PLD5: variants seen among roughly 807,000 people sequenced by gnomAD.
PLD5 encodes the protein inactive phospholipase D5.
Under a neutral mutation model 61.1 loss-of-function variants are expected in PLD5, and 36 were observed. That is an observed-to-expected ratio of 0.59 (90% CI 0.45 to 0.78). The LOEUF (loss-of-function observed/expected upper bound fraction) is 0.78, where lower values mean the gene tolerates loss of function less well. Among genes scored for constraint, PLD5 ranks in the 30% least tolerant of loss-of-function variants. The pLI, the probability that PLD5 is intolerant of heterozygous loss-of-function variation, is 0.00. For synonymous variants in PLD5, 243 were observed against 242.8 expected, an observed-to-expected ratio of 1.00 and a Z score of -0.01; for missense variants, 515 against 644.4, an observed-to-expected ratio of 0.80 and a Z score of 2.17.
chr1:242,486,087 T>C lies in PLD5; in HGVS notation c.189+38001A>G, dbSNP rs1008476189. 2.0e-4 allele frequency among the ~76,000 whole-genome samples: 30 copies of C among 152,082 alleles called. 1 individual carries two copies. The highest frequency in any genetic ancestry group is 1.6e-3 in the Admixed American group (24 of 15,282). ...ATTCAAGATGGATTAAAGACTTAAA[T>C]GTTAGACCTAAAACCATAAAAACCC... On this transcript the variant is annotated intron_variant, in intron 1 of 9. Coordinates refer to ENST00000536534, the MANE Select transcript of PLD5 (RefSeq NM_001372062.1).
intron 1 of PLD5, among the ~76,000 whole-genome samples, chr1:242,386,897 T>G (rs955281800): frequency 3.3e-5 from 5 of 152,212 alleles, no homozygotes; most frequent in Non-Finnish European, 4.4e-5. Flanking sequence ...TCATGTTGTC[T>G]GCAAAATATT....
chr1:242,282,917 T>C (rs1674795753), intron 3 of PLD5, among the ~76,000 whole-genome samples: 1 of 152,192 alleles, frequency 6.6e-6, no homozygotes, highest in Non-Finnish European at 1.5e-5. Flanking sequence ...CATGAAACTC[T>C]AGACCTCAGC....
chr1:242,363,026 G>A (rs1198555857), intron 1 of PLD5, among the ~76,000 whole-genome samples: 2 of 152,188 alleles, frequency 1.3e-5, no homozygotes. Context: ...AAAGGCTAGA[G>A]TTGGCAGGGC....
At chr1:242,122,419 TA>T (rs1174263789) in intron 6 of PLD5, among the ~76,000 whole-genome samples, 1 of 152,190 alleles carries the variant, frequency 6.6e-6, no homozygotes, top group Non-Finnish European at 1.5e-5. Context: ...TTAATTCATC[TA>T]TTTTTTGCTA....
intron 1 of PLD5, among the ~76,000 whole-genome samples, chr1:242,470,258 C>T (rs1358813459): frequency 3.3e-5 from 5 of 151,502 alleles, no homozygotes; most frequent in Non-Finnish European, 5.9e-5. Flanking sequence ...AGGAGAATGG[C>T]GTGAACCCCG....
chr1:242,158,543 C>T (rs1036461842), intron 5 of PLD5, among the ~76,000 whole-genome samples: 1 of 152,124 alleles, frequency 6.6e-6, no homozygotes, highest in African/African-American at 2.4e-5. Context: ...GCTCAGTCCC[C>T]CACAGCTTAC....
rs889134698 is a variant in PLD5, at chr1:242,524,156, A to T, written c.121T>A (p.Tyr41Asn). The change falls in exon 1 of 10, where the codon TAC becomes AAC. Residue 41 changes from tyrosine (Y) to asparagine (N), a missense_variant. Tyr to Asn is a moderately radical substitution (Grantham distance 143). Around this residue, in one of 2 missense-constraint regions of PLD5, gnomAD observed 450 missense variants for 598.1 expected, o/e 0.75. Transcript: ENST00000536534. ...PSLTRVGANF[Y>N]SSVKQQDYSA... ...TAGTCCTGCTGCTTGACGCTGCTGT[A>T]GAAGTTCGCGCCCACTCGGGTCAGG... The T allele has an allele frequency of 6.5e-7, 1 of 1,535,430 alleles. No individual in the cohort carries two copies. The highest frequency in any genetic ancestry group is 8.7e-7 in the Non-Finnish European group (1 of 1,146,622).
chr1:242,446,211 C>T (rs1666530207), intron 1 of PLD5, among the ~76,000 whole-genome samples: 1 of 151,328 alleles, frequency 6.6e-6, no homozygotes, highest in Non-Finnish European at 1.5e-5. Context: ...ACTTATACCT[C>T]ATACATTTAT....
chr1:242,502,368 AT>A, intron 1 of PLD5, among the ~76,000 whole-genome samples: 1 of 152,188 alleles, frequency 6.6e-6, no homozygotes, highest in Non-Finnish European at 1.5e-5. Context: ...CCAAGCACGC[AT>A]ACTGCCCTTT....
At chr1:242,240,099 T>G (rs938411004) in intron 4 of PLD5, among the ~76,000 whole-genome samples, 7 of 152,246 alleles carry the variant, frequency 4.6e-5, no homozygotes, top group African/African-American at 1.4e-4. Context: ...CCGAGTTGGC[T>G]GTCAAGACTT....
chr1:242,137,129 A>T (rs957713802), intron 5 of PLD5, among the ~76,000 whole-genome samples: 1 of 152,228 alleles, frequency 6.6e-6, no homozygotes. Context: ...TCCAGGACAC[A>T]TAGCCCTCCT....
intron 2 of PLD5, among the ~76,000 whole-genome samples, chr1:242,295,674 G>A (rs1486512223): frequency 6.6e-6 from 1 of 152,170 alleles, no homozygotes; most frequent in Non-Finnish European, 1.5e-5. Context: ...GAATTGCTGG[G>A]TCAAATAGTA....
At chr1:242,524,917 C>T (rs1326679006), upstream of PLD5, among the ~76,000 whole-genome samples, 3 of 152,006 alleles carry the variant, frequency 2.0e-5, no homozygotes, top group African/African-American at 7.2e-5. Flanking sequence ...ACTGGAAAGC[C>T]GGCAGGCGAG....
Position 242,319,238 on chromosome 1 carries a change from C to T in PLD5, c.326+28868G>A, listed in dbSNP as rs1206811924. ...AGCTTCAATTATAACATTATCAACA[C>T]AGTATCATTTTAACATCTCTCACCT... On this transcript the variant is annotated intron_variant, in intron 2 of 9. Coordinates refer to ENST00000536534, the MANE Select transcript of PLD5 (RefSeq NM_001372062.1). Among the ~76,000 whole-genome samples the T allele has an allele frequency of 7.2e-5, 11 of 152,118 alleles. No homozygotes were observed. The East Asian group carries it at 1.2e-3, about 16-fold the overall frequency.
chr1:242,399,672 G>A (rs577933980), intron 1 of PLD5, among the ~76,000 whole-genome samples: 1 of 152,126 alleles, frequency 6.6e-6, no homozygotes, highest in African/African-American at 2.4e-5. Flanking sequence ...TTATATCGGG[G>A]GTCCCCAATC....
At position 242,124,542 on chromosome 1, in the gene PLD5, G is replaced by A; in HGVS notation, c.859C>T (p.Leu287Phe). ...SRVPQTWSKR[L>F]YGVYDNEKKL... ...TTTTCATTGTCATAGACTCCATAGA[G>A]TCTTTTGGACCAGGTTTGAGGCACT... Residue 287 changes from leucine (L) to phenylalanine (F), a missense_variant, in exon 6 of 10, where the codon CTC becomes TTC. By Grantham distance (22) the Leu-to-Phe change is conservative. This residue lies in a region of PLD5 where 450 missense variants were observed against 598.1 expected (regional missense o/e 0.75). Coordinates refer to ENST00000536534, the MANE Select transcript of PLD5 (RefSeq NM_001372062.1). 8 of 1,614,108 alleles carry A rather than the reference G, an allele frequency of 5.0e-6. No individual in the cohort carries two copies. The highest frequency in any genetic ancestry group is 6.8e-6 in the Non-Finnish European group (8 of 1,179,964).
rs1156744479 is a variant in PLD5, at chr1:242,083,630, T to C, written c.*6224A>G. ...ACTTTGCTGAAAATATGGTGTTGCC[T>C]TCTTGTTATTACATTTTCTAGGATG... On this transcript the variant is annotated 3_prime_UTR_variant, in exon 10 of 10. Coordinates refer to ENST00000536534, the MANE Select transcript of PLD5 (RefSeq NM_001372062.1). The C allele has an allele frequency of 6.6e-6, 1 of 152,230 alleles. No individual in the cohort carries two copies. The highest frequency in any genetic ancestry group is 1.5e-5 in the Non-Finnish European group (1 of 68,042). 9.4% of individuals were successfully genotyped at this position (152,230 alleles called of 1,614,324 possible).
chr1:242,397,939 T>C (rs1473292826), intron 1 of PLD5, among the ~76,000 whole-genome samples: 2 of 152,154 alleles, frequency 1.3e-5, no homozygotes, highest in East Asian at 3.8e-4. Context: ...GGCTTGACAA[T>C]GGCTTGACAA....
chr1:242,097,772 T>C (rs6680921), intron 9 of PLD5, among the ~76,000 whole-genome samples: 70,399 of 152,120 alleles, frequency 0.46, 16,961 homozygotes, highest in African/African-American at 0.59. Flanking sequence ...TTGTCAATTT[T>C]GGCATTTGTT....
Sources: gnomAD v4.1 joint callset for allele counts (sites outside exome capture counted in the v4.1 genomes callset) on GRCh38, gnomAD v4.1.1 for gene constraint, gnomAD v4.1.1 regional missense constraint, MANE v1.5 for transcripts, NCBI Gene and HGNC (gene_info 2026-07-23, HGNC 2026-07-21) for gene names.